SLC38A1: variants seen among roughly 807,000 people sequenced by gnomAD.
The protein encoded by SLC38A1 is sodium-coupled neutral amino acid symporter 1.
SLC38A1 carries 18 observed loss-of-function variants against 60.3 expected under a neutral mutation model. That is an observed-to-expected ratio of 0.30 (90% CI 0.21 to 0.44). The LOEUF (loss-of-function observed/expected upper bound fraction) is 0.44, where lower values mean the gene tolerates loss of function less well. SLC38A1 is among the 20% of genes least tolerant of loss of function. The probability of loss-of-function intolerance (pLI) is 1.00; values close to 1 mark genes in which losing one functional copy is unlikely to be tolerated. For synonymous variants in SLC38A1, 196 were observed against 212.1 expected, an observed-to-expected ratio of 0.92 and a Z score of 0.66; for missense variants, 448 against 587.2, an observed-to-expected ratio of 0.76 and a Z score of 2.45.
Position 46,216,798 on chromosome 12 carries a change from T to G in SLC38A1, c.315-7671A>C, listed in dbSNP as rs182839098. Reference sequence around the variant, plus strand: ...TTGCTTGAACCCGGGAGGCGGAGGTTGCAGTGAGCTGAGATCATGTCACTG... The same window carrying G: ...TTGCTTGAACCCGGGAGGCGGAGGTGGCAGTGAGCTGAGATCATGTCACTG... On this transcript the variant is annotated intron_variant, in intron 5 of 16. Coordinates refer to ENST00000398637, the MANE Select transcript of SLC38A1 (RefSeq NM_030674.4). Among the ~76,000 whole-genome samples, 644 of 151,978 alleles carry G rather than the reference T, an allele frequency of 4.2e-3. 6 individuals carry two copies. Among genetic ancestry groups the G allele is most frequent in the African/African-American group, 0.015 (620 of 41,390 alleles).
intron 5 of SLC38A1, among the ~76,000 whole-genome samples, chr12:46,214,255 A>G (rs1211241097): frequency 6.6e-6 from 1 of 152,222 alleles, no homozygotes; most frequent in East Asian, 1.9e-4. Context: ...AGTATCTTAG[A>G]CAAAGTGGCA....
At chr12:46,214,872 T>C (rs1475500289) in intron 5 of SLC38A1, among the ~76,000 whole-genome samples, 2 of 152,118 alleles carry the variant, frequency 1.3e-5, no homozygotes, top group Non-Finnish European at 1.5e-5. Context: ...CAGATGGGGG[T>C]GTTTGGGGCT....
At position 46,187,228 on chromosome 12, in the gene SLC38A1, G is replaced by A. The variant is rs1282845400; in HGVS notation, c.*1742C>T. The A allele has an allele frequency of 6.6e-6, 1 of 152,228 alleles. No homozygotes were observed. Among genetic ancestry groups the A allele is most frequent in the Non-Finnish European group, 1.5e-5 (1 of 68,064 alleles). 9.4% of individuals were successfully genotyped at this position (152,228 alleles called of 1,614,324 possible). ...GGGACAGTAGTGTGATTCTCAGTGA[G>A]AGTGAAGGCCTTTGGGGATTTGAGT... On this transcript the variant is annotated 3_prime_UTR_variant, in exon 17 of 17. Transcript: ENST00000398637.
At chr12:46,225,224 G>A (rs148558904) in intron 5 of SLC38A1, among the ~76,000 whole-genome samples, 1 of 152,312 alleles carries the variant, frequency 6.6e-6, no homozygotes, top group East Asian at 1.9e-4. Context: ...TGGCATGACT[G>A]AAAGTTGGGG....
intron 5 of SLC38A1, among the ~76,000 whole-genome samples, chr12:46,221,897 A>T (rs1167575051): frequency 6.6e-6 from 1 of 152,208 alleles, no homozygotes; most frequent in Non-Finnish European, 1.5e-5. Flanking sequence ...AGGAGATAAC[A>T]TCTGATCTAG....
intron 3 of SLC38A1, among the ~76,000 whole-genome samples, chr12:46,232,453 G>A (rs866834978): frequency 7.2e-5 from 11 of 152,246 alleles, no homozygotes; most frequent in Admixed American, 6.5e-4. Flanking sequence ...AACTCTGGTG[G>A]TTGTATATAG....
intron 16 of SLC38A1, among the ~76,000 whole-genome samples, chr12:46,194,928 A>G (rs974421223): frequency 6.6e-6 from 1 of 152,044 alleles, no homozygotes; most frequent in African/African-American, 2.4e-5. Context: ...TCTGAAGCCT[A>G]CTTCTGTCAA....
chr12:46,197,999 A>G lies in SLC38A1; in HGVS notation c.1184T>C (p.Val395Ala), dbSNP rs1769148017. Reference protein sequence around the residue: ...KTKFNLCRHTVVTCILLVVIN... With the variant: ...KTKFNLCRHTAVTCILLVVIN... ...AACAACCAAGAGTATGCAGGTAACC[A>G]CGGTATGACGACATAAATTAAACTT... The change falls in exon 15 of 17, where the codon GTG becomes GCG. Residue 395 changes from valine to alanine, a missense_variant. By Grantham distance (64) the Val-to-Ala change is moderately conservative (BLOSUM62 0). Coordinates refer to ENST00000398637, the MANE Select transcript of SLC38A1 (RefSeq NM_030674.4). The G allele has an allele frequency of 6.2e-7, 1 of 1,613,984 alleles. No individual in the cohort carries two copies.
At chr12:46,220,414 A>G (rs1940611929) in intron 5 of SLC38A1, among the ~76,000 whole-genome samples, 1 of 152,202 alleles carries the variant, frequency 6.6e-6, no homozygotes, top group South Asian at 2.1e-4. Flanking sequence ...TAAAAACAAG[A>G]AACTGATTGG....
At chr12:46,217,337 C>G (rs1940457966) in intron 5 of SLC38A1, among the ~76,000 whole-genome samples, 1 of 152,132 alleles carries the variant, frequency 6.6e-6, no homozygotes, top group Admixed American at 6.6e-5. Flanking sequence ...TGGAATAACA[C>G]TGTAAAAAAT....
chr12:46,245,881 G>C lies in SLC38A1; in HGVS notation c.-208-2567C>G, dbSNP rs375219822. On this transcript the variant is annotated intron_variant, in intron 1 of 16. Transcript: ENST00000398637. Reference sequence around the variant, plus strand: ...TTTTTATTTTTATTTCCTTTCTTTAGCTCTAGTCCCTCTTCCTTCTCTTTT... The same window carrying C: ...TTTTTATTTTTATTTCCTTTCTTTACCTCTAGTCCCTCTTCCTTCTCTTTT... Among the ~76,000 whole-genome samples, 4 of 152,192 alleles carry C rather than the reference G, an allele frequency of 2.6e-5. No homozygotes were observed. In the South Asian group the frequency reaches 8.3e-4, roughly 32 times the overall value.
chr12:46,207,399 T>C, intron 7 of SLC38A1, 130 bp downstream of exon 7: 1 of 1,066,332 alleles, frequency 9.4e-7, no homozygotes, highest in Non-Finnish European at 1.4e-6. Context: ...GACTGCTGTC[T>C]CTGCTTTACT....
intron 1 of SLC38A1, among the ~76,000 whole-genome samples, chr12:46,256,506 T>C (rs1375264722): frequency 6.6e-6 from 1 of 152,002 alleles, no homozygotes; most frequent in Admixed American, 6.6e-5. Flanking sequence ...CGGGCTGCCA[T>C]TGTGATGGCA....
intron 5 of SLC38A1, among the ~76,000 whole-genome samples, chr12:46,223,287 G>C (rs1303792963): frequency 6.6e-6 from 1 of 152,020 alleles, no homozygotes; most frequent in African/African-American, 2.4e-5. Flanking sequence ...TAATGTTGTT[G>C]GTGGGGATTA....
intron 5 of SLC38A1, among the ~76,000 whole-genome samples, chr12:46,223,873 T>C (rs1377268053): frequency 6.6e-6 from 1 of 152,186 alleles, no homozygotes; most frequent in African/African-American, 2.4e-5. Context: ...ATAAAAAGCA[T>C]TTATTGCTTT....
At position 46,184,844 on chromosome 12, in the gene SLC38A1, A is replaced by C. The variant is rs764931833; in HGVS notation, c.*4126T>G. 6.6e-6 allele frequency: 1 copy of C among 152,316 alleles called. No homozygotes were observed. Among genetic ancestry groups the C allele is most frequent in the African/African-American group, 2.4e-5 (1 of 41,578 alleles). 9.4% of individuals were successfully genotyped at this position (152,316 alleles called of 1,614,324 possible). ...CTCACTTTCATTTCCTCACAGCTTTAAAAAATAAAATATTATCATGCCTCA... is the reference window on the plus strand; with the variant it reads ...CTCACTTTCATTTCCTCACAGCTTTCAAAAATAAAATATTATCATGCCTCA... On this transcript the variant is annotated 3_prime_UTR_variant, in exon 17 of 17. Coordinates refer to ENST00000398637, the MANE Select transcript of SLC38A1 (RefSeq NM_030674.4).
At chr12:46,200,314 T>A (rs150744314) in intron 13 of SLC38A1, among the ~76,000 whole-genome samples, 340 of 152,112 alleles carry the variant, frequency 2.2e-3, no homozygotes, top group African/African-American at 7.9e-3. Context: ...CATTTGTGTT[T>A]ATGAAAAAAA....
At chr12:46,196,270 G>A (rs1466930219) in intron 16 of SLC38A1, 7 of 1,535,784 alleles carry the variant, frequency 4.6e-6, no homozygotes, top group Non-Finnish European at 5.2e-6. Context: ...TGGAGGAAGA[G>A]AAAGAGCTAA....
At chr12:46,224,594 GGCCAATGTGAGTCTGGAATGGA>G (rs1940794151) in intron 5 of SLC38A1, among the ~76,000 whole-genome samples, 1 of 152,130 alleles carries the variant, frequency 6.6e-6, no homozygotes, top group Non-Finnish European at 1.5e-5. Flanking sequence ...TTCCTGTGTT[GGCCAATGTGAGTCTGGAATGGA>G]GCCCTGTACC....
Sources: gnomAD v4.1 joint callset for allele counts (sites outside exome capture counted in the v4.1 genomes callset) on GRCh38, gnomAD v4.1.1 for gene constraint, MANE v1.5 for transcripts, NCBI Gene and HGNC (gene_info 2026-07-23, HGNC 2026-07-21) for gene names.